Variants in PROCR observed in about 807,000 individuals in gnomAD.
PROCR encodes protein C receptor.
Under a neutral mutation model 24.2 loss-of-function variants are expected in PROCR, and 22 were observed. The ratio of observed to expected loss-of-function variants is 0.91; its 90% CI spans 0.65 to 1.30. PROCR has a LOEUF of 1.30. Among genes scored for constraint, PROCR ranks in the 50% most tolerant of loss-of-function variants. The probability of loss-of-function intolerance (pLI) is 0.00; values close to 1 mark genes in which losing one functional copy is unlikely to be tolerated. For missense variants in PROCR, 288 were observed against 307.7 expected, an observed-to-expected ratio of 0.94 and a Z score of 0.48; for synonymous variants, 137 against 139.2, an observed-to-expected ratio of 0.98 and a Z score of 0.11.
At chr20:35,197,149 GGTCTCACTATGTTGACC>G (rs1198123730) in intron 1 of PROCR, among the ~76,000 whole-genome samples, 4 of 152,118 alleles carry the variant, frequency 2.6e-5, no homozygotes, top group South Asian at 2.1e-4. Context: ...GTAGAGACAA[GGTCTCACTATGTTGACC>G]AGGCTGGTCT....
At chr20:35,187,322 A>G (rs952636385) in intron 1 of PROCR, among the ~76,000 whole-genome samples, 1 of 152,202 alleles carries the variant, frequency 6.6e-6, no homozygotes, top group Admixed American at 6.5e-5. Context: ...TGGGCCTGCC[A>G]AAGTGCTGGG....
intron 1 of PROCR, among the ~76,000 whole-genome samples, chr20:35,197,779 G>A (rs1416805140): frequency 2.0e-5 from 3 of 148,264 alleles, no homozygotes; most frequent in South Asian, 4.3e-4. Context: ...CCGAGATCGC[G>A]CCACTGCACT....
At chr20:35,186,386 G>A (rs912518226) in intron 1 of PROCR, among the ~76,000 whole-genome samples, 1 of 151,432 alleles carries the variant, frequency 6.6e-6, no homozygotes, top group Non-Finnish European at 1.5e-5. Context: ...GACCAACATG[G>A]AGAAACCCCG....
At chr20:35,186,256 A>G (rs1352401592) in intron 1 of PROCR, among the ~76,000 whole-genome samples, 1 of 152,226 alleles carries the variant, frequency 6.6e-6, no homozygotes, top group Non-Finnish European at 1.5e-5. Context: ...ACATGTTACA[A>G]CACGGATGAG....
In PROCR at chr20:35,176,980, G is replaced by C. The variant is rs62211486; in HGVS notation, c.*167G>C. ...CTGAAGATTTGAGGGAGGGGAGATG[G>C]AGAGGAGAGGTGGACAAAGTACTTG... On this transcript the variant is annotated 3_prime_UTR_variant, in exon 4 of 4. Transcript: ENST00000216968. The C allele has an allele frequency of 6.8e-7, 1 of 1,480,870 alleles. No individual in the cohort carries two copies. The highest frequency in any genetic ancestry group is 2.6e-5 in the East Asian group (1 of 38,904). 91.7% of individuals were successfully genotyped at this position (1,480,870 alleles called of 1,614,324 possible).
intron 1 of PROCR, among the ~76,000 whole-genome samples, chr20:35,174,035 CA>C (rs1466423690): frequency 6.6e-6 from 1 of 152,128 alleles, no homozygotes; most frequent in Non-Finnish European, 1.5e-5. Context: ...CTCAGTTTCC[CA>C]TGTAGACTGG....
At chr20:35,207,744 G>A (rs2060347783) in intron 1 of PROCR, among the ~76,000 whole-genome samples, 2 of 151,972 alleles carry the variant, frequency 1.3e-5, no homozygotes, top group Non-Finnish European at 2.9e-5. Flanking sequence ...TGGTCAGGCT[G>A]GTCTCGAACT....
At chr20:35,201,465 A>C (rs888604922) in intron 1 of PROCR, among the ~76,000 whole-genome samples, 3 of 152,228 alleles carry the variant, frequency 2.0e-5, no homozygotes, top group Non-Finnish European at 4.4e-5. Context: ...AGGTGGGCTG[A>C]TCACCTGAGG....
chr20:35,215,855 T>G (rs1373275421), intron 1 of PROCR: 1 of 985,132 alleles, frequency 1.0e-6, no homozygotes, highest in Non-Finnish European at 1.2e-6. Flanking sequence ...AGCTGGACTG[T>G]GCTCTCCAGC....
intron 1 of PROCR, among the ~76,000 whole-genome samples, chr20:35,173,416 CTTTT>C (rs2085969811): frequency 1.6e-5 from 2 of 122,064 alleles, no homozygotes; most frequent in South Asian, 2.6e-4. Context: ...GCTTTTCTTT[CTTTT>C]TTCTTTTTTT....
At chr20:35,175,646 G>T (rs1246371598) in intron 2 of PROCR, among the ~76,000 whole-genome samples, 4 of 137,072 alleles carry the variant, frequency 2.9e-5, no homozygotes, top group Non-Finnish European at 4.6e-5. Flanking sequence ...GTGCAGTGGC[G>T]CGATCTCGGC....
chr20:35,200,092 T>C (rs1013497546), intron 1 of PROCR, among the ~76,000 whole-genome samples: 1 of 152,108 alleles, frequency 6.6e-6, no homozygotes. Flanking sequence ...TAATGAGGAG[T>C]TGCTTCTTCT....
downstream of PROCR, among the ~76,000 whole-genome samples, chr20:35,178,516 T>TTTTTTTTG (rs2086047572): frequency 5.1e-4 from 25 of 48,880 alleles, 1 homozygote; most frequent in Non-Finnish European, 8.2e-4. Context: ...AGTTTTTTTT[T>TTTTTTTTG]TTTTTTTTTT....
At chr20:35,189,499 C>T (rs2146161729) in intron 1 of PROCR, among the ~76,000 whole-genome samples, 1 of 152,280 alleles carries the variant, frequency 6.6e-6, no homozygotes, top group Non-Finnish European at 1.5e-5. Context: ...TAGTTTCGCC[C>T]TGACCTTGTG....
rs2085997344 is a variant in PROCR at position 35,175,051 on chromosome 20, A to ATGGGGGCGGGGC, written c.322+98_322+99insTGGGGGCGGGGC. The ATGGGGGCGGGGC allele has an allele frequency of 4.6e-6, 5 of 1,088,100 alleles. No individual in the cohort carries two copies. The African/African-American group carries it at 6.9e-5, about 15-fold the overall frequency. The allele number at this position is 1,088,100 out of a possible 1,614,324, so 67.4% of individuals were successfully genotyped here. A position where few individuals can be genotyped will look rare whatever the true frequency, so the allele number is the denominator to read the frequency against. On this transcript the variant is annotated intron_variant, in intron 2 of 3. Transcript: ENST00000216968. ...GCCTGGCGGATGGAGGCGGGCTGGG[A>ATGGGGGCGGGGC]CTTGCAGGGACCCGGCAGCCACTGG...
At chr20:35,215,163 G>T (rs2060377348) in intron 1 of PROCR, among the ~76,000 whole-genome samples, 1 of 152,178 alleles carries the variant, frequency 6.6e-6, no homozygotes, top group Admixed American at 6.5e-5. Flanking sequence ...ACCCGCCTCA[G>T]CCTCCCAAAG....
At position 35,172,072 on chromosome 20, in the gene PROCR, A is replaced by C. The variant is rs554897274; in HGVS notation, c.-83A>C. 2.2e-6 allele frequency: 3 copies of C among 1,337,922 alleles called. No individual in the cohort carries two copies. In the African/African-American group the frequency reaches 4.3e-5, roughly 19 times the overall value. 82.9% of individuals were successfully genotyped at this position (1,337,922 alleles called of 1,614,324 possible). On this transcript the variant is annotated 5_prime_UTR_variant, in exon 1 of 4. Transcript: ENST00000216968. Reference sequence around the variant, plus strand: ...ACTCCGCCCCTCCCAGACGGTCCTCACTTCTCTTTTCCCTAGACTGCAGCC... The same window carrying C: ...ACTCCGCCCCTCCCAGACGGTCCTCCCTTCTCTTTTCCCTAGACTGCAGCC...
At chr20:35,183,540 CTCTTT>C (rs1471215830) in intron 1 of PROCR, among the ~76,000 whole-genome samples, 7 of 152,124 alleles carry the variant, frequency 4.6e-5, no homozygotes. Context: ...AAAAATAAAC[CTCTTT>C]TCTTTTATAA....
At chr20:35,211,373 A>G (rs17406518) in intron 1 of PROCR, among the ~76,000 whole-genome samples, 1 of 152,058 alleles carries the variant, frequency 6.6e-6, no homozygotes, top group Non-Finnish European at 1.5e-5. Context: ...GGAGCCTCCA[A>G]AATTTTCAGG....
Sources: allele counts gnomAD v4.1 joint callset (sites outside exome capture counted in the v4.1 genomes callset), GRCh38; gene constraint gnomAD v4.1.1; transcripts MANE v1.5; gene names NCBI Gene and HGNC (gene_info 2026-07-23, HGNC 2026-07-21).